The following FAM117A variants were observed in gnomAD, a reference collection of about 807,000 sequenced individuals.
FAM117A encodes the protein family with sequence similarity 117 member A.
In FAM117A, 21 loss-of-function variants were observed where a neutral mutation model predicts 44.1. The observed-to-expected ratio is 0.48, with a 90% CI of 0.34 to 0.69. FAM117A has a LOEUF of 0.69. Ranked by LOEUF, FAM117A falls within the 30% of genes least tolerant of loss-of-function variation. The probability of loss-of-function intolerance (pLI) is 0.01; values close to 1 mark genes in which losing one functional copy is unlikely to be tolerated. For synonymous variants in FAM117A, 220 were observed against 238.3 expected, an observed-to-expected ratio of 0.92 and a Z score of 0.71; for missense variants, 498 against 589.9, an observed-to-expected ratio of 0.84 and a Z score of 1.61.
chr17:49,763,837 C>T, intron 1 of FAM117A, 55 bp downstream of exon 1: 2 of 861,504 alleles, frequency 2.3e-6, no homozygotes, highest in Non-Finnish European at 3.0e-6. Context: ...CGCGGTCACG[C>T]GCCCCCCCTC....
chr17:49,711,492 G>A lies in FAM117A; in HGVS notation c.1125C>T (p.Asn375=). 6.2e-7 allele frequency: 1 copy of A among 1,614,124 alleles called. No individual in the cohort carries two copies. The highest frequency in any genetic ancestry group is 8.5e-7 in the Non-Finnish European group (1 of 1,180,020). ...CGGGGCAGAAGGCTGAGCCAGTCGG[G>A]TTGAAATGGACTTTGTTCTTGTCAG... The part of the protein sequence containing the change: ...SCPDKNKVHF[N]PTGSAFCPVN... Residue 375 remains asparagine, a synonymous_variant, in exon 8 of 8, where the codon AAC becomes AAT. Coordinates refer to ENST00000240364, the MANE Select transcript of FAM117A (RefSeq NM_030802.4).
At chr17:49,766,649 T>G (rs910192905), upstream of FAM117A, among the ~76,000 whole-genome samples, 4 of 152,230 alleles carry the variant, frequency 2.6e-5, no homozygotes, top group South Asian at 2.1e-4. Flanking sequence ...CCTCAACATG[T>G]AAATTCTCAA....
At chr17:49,739,277 G>C (rs1045327707) in intron 1 of FAM117A, among the ~76,000 whole-genome samples, 1 of 152,204 alleles carries the variant, frequency 6.6e-6, no homozygotes, top group African/African-American at 2.4e-5. Flanking sequence ...TGCAGAGTAA[G>C]CCCTAGCCCC....
At chr17:49,778,572 G>A (rs142979647) in intron 1 of FAM117A, among the ~76,000 whole-genome samples, 4 of 152,294 alleles carry the variant, frequency 2.6e-5, no homozygotes, top group African/African-American at 7.2e-5. Context: ...TTCCTTTGCA[G>A]GTAGAGTGAC....
chr17:49,780,862 G>A (rs1399108887), intron 1 of FAM117A, among the ~76,000 whole-genome samples: 2 of 151,996 alleles, frequency 1.3e-5, no homozygotes, highest in Non-Finnish European at 2.9e-5. Context: ...ATGGAGTTTC[G>A]CTCTGTCACC....
intron 7 of FAM117A, among the ~76,000 whole-genome samples, chr17:49,713,594 C>A (rs2073488181): frequency 6.6e-6 from 1 of 151,844 alleles, no homozygotes; most frequent in Non-Finnish European, 1.5e-5. Flanking sequence ...GCAACCTCCA[C>A]CTCCTGGGCT....
rs1850976688 is a variant in FAM117A, at chr17:49,758,227, G to A, written c.196+5665C>T. 1.3e-5 allele frequency among the ~76,000 whole-genome samples: 2 copies of A among 152,098 alleles called. 1 individual carries two copies. Among genetic ancestry groups the A allele is most frequent in the South Asian group, 4.1e-4 (2 of 4,822 alleles). On this transcript the variant is annotated intron_variant, in intron 1 of 7. Coordinates refer to ENST00000240364, the MANE Select transcript of FAM117A (RefSeq NM_030802.4). ...CGTGCCTGTAATCCCAGCTACTTGG[G>A]AAGCTGAGGCAGGAGAAGCGCTTGA...
upstream of FAM117A, chr17:49,765,652 T>A (rs915677332): frequency 1.3e-5 from 2 of 152,236 alleles, no homozygotes; most frequent in Non-Finnish European, 2.9e-5. Context: ...ACATTTGAAC[T>A]GTTTTTTTAA....
chr17:49,726,303 C>T (rs1372576106), intron 2 of FAM117A, among the ~76,000 whole-genome samples: 2 of 152,140 alleles, frequency 1.3e-5, no homozygotes, highest in African/African-American at 4.8e-5. Flanking sequence ...ACCTCCGCCT[C>T]ACGGGTTCAA....
At chr17:49,725,750 C>T (rs1264876816) in intron 2 of FAM117A, among the ~76,000 whole-genome samples, 5 of 152,138 alleles carry the variant, frequency 3.3e-5, no homozygotes, top group African/African-American at 7.2e-5. Flanking sequence ...GATGAGGAAC[C>T]TATAAATGTT....
rs116914355 is a variant in FAM117A at position 49,747,949 on chromosome 17, G to A, written c.197-15229C>T. The stretch of plus-strand genomic sequence containing the variant: ...CCTAGTCTGAAAAGCAAGATTAGAT[G>A]GCCCTTCCAGAAAGAGTGTTGAAGA... On this transcript the variant is annotated intron_variant, in intron 1 of 7. Transcript: ENST00000240364. Among the ~76,000 whole-genome samples, 200 of 152,254 alleles carry A rather than the reference G, an allele frequency of 1.3e-3. 1 individual carries two copies. In the East Asian group the frequency reaches 0.029, roughly 22 times the overall value.
At chr17:49,756,182 T>A (rs962767514) in intron 1 of FAM117A, among the ~76,000 whole-genome samples, 10 of 152,172 alleles carry the variant, frequency 6.6e-5, no homozygotes, top group South Asian at 2.1e-4. Flanking sequence ...ACTTTTTTTT[T>A]AAAGCCTATT....
chr17:49,774,793 T>C lies in FAM117A; in HGVS notation c.-621+13704A>G, dbSNP rs148913389. Among the ~76,000 whole-genome samples the C allele has an allele frequency of 2.6e-3, 402 of 152,300 alleles. 7 individuals are homozygous for C. The highest frequency in any genetic ancestry group is 6.4e-3 in the East Asian group (33 of 5,186). ...CACTCCTGAAAGTTGATGCTAACGG[T>C]CCTGCAGGCTGATAGTGGGAAAGGC... On this transcript the variant is annotated intron_variant, in intron 1 of 7. Coordinates refer to the FAM117A transcript ENST00000513602.
intron 7 of FAM117A, among the ~76,000 whole-genome samples, chr17:49,714,943 C>T (rs552147672): frequency 4.6e-5 from 7 of 152,264 alleles, no homozygotes; most frequent in Middle Eastern, 3.4e-3. Context: ...GCCACTGCAC[C>T]GAGCCCACCA....
Position 49,719,833 on chromosome 17 carries a change from C to T in FAM117A, c.635G>A (p.Arg212Lys). 1 of 1,608,018 alleles carries T rather than the reference C, an allele frequency of 6.2e-7. No homozygotes were observed. Among genetic ancestry groups the T allele is most frequent in the Non-Finnish European group, 8.5e-7 (1 of 1,177,798 alleles). Residue 212 changes from arginine to lysine, a missense_variant, in exon 5 of 8, where the codon AGG becomes AAG. Arg to Lys is a conservative substitution (Grantham distance 26). Transcript: ENST00000240364. ...CTCTTGGTTGAGCCCTTCCAGGCTCCTGTGCAGGCAGGGGCTGAGTCGCAA... is the reference window on the plus strand; with the variant it reads ...CTCTTGGTTGAGCCCTTCCAGGCTCTTGTGCAGGCAGGGGCTGAGTCGCAA... Reference protein sequence around the residue: ...PVLRLSPCLHRSLEGLNQELE... With the variant: ...PVLRLSPCLHKSLEGLNQELE...
Position 49,736,038 on chromosome 17 carries a change from G to T in FAM117A, c.197-3318C>A, listed in dbSNP as rs574565448. 2.7e-3 allele frequency among the ~76,000 whole-genome samples: 407 copies of T among 152,198 alleles called. 3 individuals are homozygous for T. The highest frequency in any genetic ancestry group is 4.8e-3 in the Non-Finnish European group (326 of 67,998). On this transcript the variant is annotated intron_variant, in intron 1 of 7. Transcript: ENST00000240364. ...CTCTCAACACCCAGAGATAACCAATGTTATGAGAAATATAAACTTACAGGT... is the reference window on the plus strand; with the variant it reads ...CTCTCAACACCCAGAGATAACCAATTTTATGAGAAATATAAACTTACAGGT...
intron 1 of FAM117A, among the ~76,000 whole-genome samples, chr17:49,781,438 G>T (rs1017750964): frequency 2.0e-5 from 3 of 152,162 alleles, no homozygotes; most frequent in African/African-American, 7.2e-5. Context: ...ACTGTAAATT[G>T]TGAAAGTCTT....
intron 1 of FAM117A, among the ~76,000 whole-genome samples, chr17:49,743,946 G>C (rs1382028581): frequency 6.6e-6 from 1 of 151,938 alleles, no homozygotes; most frequent in Non-Finnish European, 1.5e-5. Flanking sequence ...AAAAGGTTGG[G>C]GGGGGCGTCC....
At chr17:49,740,302 C>T (rs1001315460) in intron 1 of FAM117A, among the ~76,000 whole-genome samples, 3 of 151,220 alleles carry the variant, frequency 2.0e-5, no homozygotes, top group Non-Finnish European at 2.9e-5. Context: ...GGCTGGAGTG[C>T]AGTGGCGCGA....
Sources: gnomAD v4.1 joint callset for allele counts (sites outside exome capture counted in the v4.1 genomes callset) on GRCh38, gnomAD v4.1.1 for gene constraint, MANE v1.5 for transcripts, NCBI Gene and HGNC (gene_info 2026-07-23, HGNC 2026-07-21) for gene names.